Variants in GRID2 observed in about 807,000 individuals in gnomAD.
GRID2 encodes glutamate receptor ionotropic, delta-2.
In GRID2, 33 loss-of-function variants were observed where a neutral mutation model predicts 114.8. The observed-to-expected ratio is 0.29, with a 90% confidence interval of 0.22 to 0.38. The LOEUF (loss-of-function observed/expected upper bound fraction) is 0.38. GRID2 is among the 10% of genes least tolerant of loss of function. GRID2 has a pLI of 1.00. For synonymous variants in GRID2, 505 were observed against 449.9 expected (o/e 1.12, Z -1.55); for missense variants, 1,184 against 1,257.7 (o/e 0.94, Z 0.89).
intron 4 of GRID2, among the ~76,000 whole-genome samples, chr4:93,169,978 C>G (rs951674697): frequency 6.6e-6 from 1 of 152,180 alleles, no homozygotes; most frequent in African/African-American, 2.4e-5. Context: ...ACAGGTTTAA[C>G]TTGAAAAGGA....
intron 2 of GRID2, among the ~76,000 whole-genome samples, chr4:92,735,989 G>GC (rs375496867): frequency 2.4e-3 from 359 of 152,018 alleles, no homozygotes; most frequent in African/African-American, 7.9e-3. Flanking sequence ...GACAGAAAAA[G>GC]CCCCCCCAAA....
chr4:93,536,790 A>G, intron 13 of GRID2, among the ~76,000 whole-genome samples: 1 of 151,718 alleles, frequency 6.6e-6, no homozygotes, highest in East Asian at 1.9e-4. Flanking sequence ...TAAATAAGGG[A>G]CATATTTGTG....
chr4:93,076,610 C>CTTTTTT (rs56357327), intron 2 of GRID2, among the ~76,000 whole-genome samples: 2 of 96,982 alleles, frequency 2.1e-5, no homozygotes, highest in Non-Finnish European at 1.9e-5. Context: ...TCACCAACCT[C>CTTTTTT]TTTTTTTTTT....
chr4:92,315,993 C>CAAAAAAAAAAAAAAAA (rs778361565), intron 1 of GRID2, among the ~76,000 whole-genome samples: 28 of 61,898 alleles, frequency 4.5e-4, no homozygotes, highest in African/African-American at 1.4e-3. Flanking sequence ...AAACAAAAAG[C>CAAAAAAAAAAAAAAAA]AAAAAAAAAA....
At chr4:93,148,481 A>G (rs546268461) in intron 4 of GRID2, among the ~76,000 whole-genome samples, 1 of 152,292 alleles carries the variant, frequency 6.6e-6, no homozygotes, top group South Asian at 2.1e-4. Flanking sequence ...ATATATAATA[A>G]TTAACTTCAA....
chr4:92,535,338 T>C (rs1181627440), intron 1 of GRID2, among the ~76,000 whole-genome samples: 1 of 152,160 alleles, frequency 6.6e-6, no homozygotes, highest in Non-Finnish European at 1.5e-5. Context: ...TAAACATTTC[T>C]CTTTGTACTA....
intron 2 of GRID2, among the ~76,000 whole-genome samples, chr4:92,600,044 G>GTGTGTGTGTATA (rs1206780169): frequency 2.6e-4 from 14 of 54,432 alleles, no homozygotes; most frequent in African/African-American, 9.5e-4. Flanking sequence ...GTGTGTGTGT[G>GTGTGTGTGTATA]TATATATATA....
At chr4:92,522,875 A>C (rs1724857966) in intron 1 of GRID2, among the ~76,000 whole-genome samples, 1 of 152,012 alleles carries the variant, frequency 6.6e-6, no homozygotes, top group Non-Finnish European at 1.5e-5. Flanking sequence ...GAGACAAAAA[A>C]CGAGTAATTA....
intron 14 of GRID2, among the ~76,000 whole-genome samples, chr4:93,692,864 TTAAC>T (rs1451001413): frequency 1.3e-5 from 2 of 152,212 alleles, no homozygotes; most frequent in Admixed American, 6.5e-5. Context: ...ACACGACAGT[TTAAC>T]TGTGTTTTCT....
intron 4 of GRID2, among the ~76,000 whole-genome samples, chr4:93,163,356 GTATATATATATATATATATA>G (rs57285537): frequency 0.06 from 3,353 of 56,212 alleles, 106 homozygotes; most frequent in Non-Finnish European, 0.078. Context: ...TTTTTTTTGT[GTATATATATATATATATATA>G]TATATATATA....
chr4:93,152,860 C>T (rs971604074), intron 4 of GRID2, among the ~76,000 whole-genome samples: 1 of 151,954 alleles, frequency 6.6e-6, no homozygotes, highest in African/African-American at 2.4e-5. Context: ...ACCTTGGAAG[C>T]ATAGTTTAAA....
chr4:92,713,565 T>TTTTCATGCTGCTG (rs1195554278), intron 2 of GRID2, among the ~76,000 whole-genome samples: 4 of 145,636 alleles, frequency 2.7e-5, no homozygotes, highest in African/African-American at 1.0e-4. Context: ...GATTAGTCTG[T>TTTTCATGCTGCTG]TTTCATGCTG....
intron 1 of GRID2, among the ~76,000 whole-genome samples, chr4:92,555,810 T>C (rs956648924): frequency 6.6e-6 from 1 of 152,128 alleles, no homozygotes; most frequent in Non-Finnish European, 1.5e-5. Flanking sequence ...GATTTTTCAT[T>C]ATTTTGATTT....
At chr4:92,962,852 C>G (rs921935514) in intron 2 of GRID2, among the ~76,000 whole-genome samples, 2 of 151,946 alleles carry the variant, frequency 1.3e-5, no homozygotes, top group South Asian at 4.1e-4. Flanking sequence ...ATAGTTCCCA[C>G]AGAGGTTTCT....
At position 92,471,976 on chromosome 4, in the gene GRID2, C is replaced by G. The variant is rs1219872598; in HGVS notation, c.89-118155C>G. ...TGAGACGGAGTCTCGCTCTGTCGCC[C>G]AGGCTGGAGTGCAGTGGCGGGATCT... On this transcript the variant is annotated intron_variant, in intron 1 of 15. Transcript: ENST00000282020. 5.2e-5 allele frequency among the ~76,000 whole-genome samples: 3 copies of G among 57,938 alleles called. 1 individual carries two copies. The highest frequency in any genetic ancestry group is 1.0e-4 in the African/African-American group (1 of 9,564). The allele number at this position is 57,938 out of a possible 152,430, so 38.0% of individuals were successfully genotyped here. A position where few individuals can be genotyped will look rare whatever the true frequency, so the allele number is the denominator to read the frequency against.
chr4:92,506,654 G>C (rs1723987165), intron 1 of GRID2, among the ~76,000 whole-genome samples: 1 of 151,772 alleles, frequency 6.6e-6, no homozygotes, highest in African/African-American at 2.4e-5. Context: ...TATTCTCACT[G>C]TATCCCTTAC....
downstream of GRID2, among the ~76,000 whole-genome samples, chr4:93,777,500 T>C (rs1468364608): frequency 6.6e-6 from 1 of 152,196 alleles, no homozygotes; most frequent in Non-Finnish European, 1.5e-5. Context: ...GCTGTGTTAT[T>C]CAAACATATT....
At chr4:92,597,336 T>C (rs1729002649) in intron 2 of GRID2, among the ~76,000 whole-genome samples, 1 of 152,154 alleles carries the variant, frequency 6.6e-6, no homozygotes. Flanking sequence ...TGTATGTCTT[T>C]CCCTTACCTC....
chr4:92,703,895 A>G (rs1579876063), intron 2 of GRID2, among the ~76,000 whole-genome samples: 1 of 152,270 alleles, frequency 6.6e-6, no homozygotes, highest in East Asian at 1.9e-4. Context: ...ATAAAAGACA[A>G]TGATACTCTG....
Sources: gnomAD v4.1 joint callset for allele counts (sites outside exome capture counted in the v4.1 genomes callset) on GRCh38, gnomAD v4.1.1 for gene constraint, MANE v1.5 for transcripts, NCBI Gene and HGNC (gene_info 2026-07-23, HGNC 2026-07-21) for gene names.